Variants in ACYP2 observed in about 807,000 individuals in gnomAD.
ACYP2 encodes acylphosphatase 2, also known as acylphosphatase-2.
ACYP2 carries 12 observed loss-of-function variants against 11.2 expected under a neutral mutation model. The ratio of observed to expected loss-of-function variants is 1.08; its 90% confidence interval spans 0.69 to 1.74. The LOEUF is 1.74. ACYP2 is among the 40% of genes most tolerant of loss of function. The pLI is 0.00. For missense variants in ACYP2, 134 were observed against 101.9 expected, an observed-to-expected ratio of 1.31 and a Z score of -1.35; for synonymous variants, 43 against 32.2, an observed-to-expected ratio of 1.33 and a Z score of -1.13.
At chr2:54,278,920 A>T (rs964159370) in intron 6 of ACYP2, among the ~76,000 whole-genome samples, 3 of 152,186 alleles carry the variant, frequency 2.0e-5, no homozygotes, top group Non-Finnish European at 2.9e-5. Flanking sequence ...GAAGAATGAC[A>T]TTTGTCCAGT....
At position 54,170,914 on chromosome 2, in the gene ACYP2, G is replaced by C. The variant is rs983732931; in HGVS notation, c.404+32166G>C. The stretch of plus-strand genomic sequence containing the variant: ...TGCCTGACACAATCACCTCCTCACT[G>C]CCCCTGTGAGGTGCAGCGCCATCCA... On this transcript the variant is annotated intron_variant, in intron 6 of 6. Transcript: ENST00000607452. Among the ~76,000 whole-genome samples the C allele has an allele frequency of 2.6e-5, 4 of 152,112 alleles. No homozygotes were observed. In the East Asian group the frequency reaches 7.7e-4, roughly 29 times the overall value.
chr2:54,215,246 T>C (rs529976531), intron 6 of ACYP2, among the ~76,000 whole-genome samples: 4 of 152,344 alleles, frequency 2.6e-5, no homozygotes, highest in African/African-American at 9.6e-5. Context: ...TATTTCTTTT[T>C]CTTGCCTAAT....
At position 54,138,861 on chromosome 2, in the gene ACYP2, C is replaced by T. The variant is rs189649885; in HGVS notation, c.404+113C>T. On this transcript the variant is annotated intron_variant, in intron 6 of 6. Transcript: ENST00000607452. ...AGGTTGGAGTGCAGTGGCACAATCTCGGCTCACTACAACCTCTGCCTTCCA... is the reference window on the plus strand; with the variant it reads ...AGGTTGGAGTGCAGTGGCACAATCTTGGCTCACTACAACCTCTGCCTTCCA... The T allele has an allele frequency of 8.9e-4, 697 of 784,258 alleles. 2 individuals carry two copies. In the African/African-American group the frequency reaches 9.2e-3, roughly 10 times the overall value. 48.6% of individuals were successfully genotyped at this position (784,258 alleles called of 1,614,324 possible). A position where few individuals can be genotyped will look rare whatever the true frequency, so the allele number is the denominator to read the frequency against.
intron 4 of ACYP2, among the ~76,000 whole-genome samples, chr2:54,092,393 C>A (rs1190334215): frequency 6.6e-6 from 1 of 152,158 alleles, no homozygotes; most frequent in Admixed American, 6.5e-5. Context: ...AGGAGCAGCT[C>A]TTCTTTCTCT....
intron 6 of ACYP2, chr2:54,255,905 C>G: frequency 6.2e-7 from 1 of 1,614,084 alleles, no homozygotes; most frequent in Non-Finnish European, 8.5e-7. Flanking sequence ...GCTTTGATGG[C>G]TCCATGACTG....
chr2:54,234,641 C>T (rs975707779), intron 6 of ACYP2, among the ~76,000 whole-genome samples: 3 of 152,150 alleles, frequency 2.0e-5, no homozygotes, highest in African/African-American at 2.4e-5. Flanking sequence ...GTTATTTTTT[C>T]GGTTAATCAT....
chr2:54,251,598 T>C (rs968196611), intron 6 of ACYP2, among the ~76,000 whole-genome samples: 3 of 152,074 alleles, frequency 2.0e-5, no homozygotes, highest in African/African-American at 4.8e-5. Flanking sequence ...TAAAAGTTTA[T>C]TGGGAGACAA....
At chr2:54,267,745 G>A (rs144518948) in intron 6 of ACYP2, among the ~76,000 whole-genome samples, 11 of 152,282 alleles carry the variant, frequency 7.2e-5, no homozygotes, top group Non-Finnish European at 1.2e-4. Context: ...TAAAATGATT[G>A]TTGGCAAAAG....
intron 6 of ACYP2, chr2:54,255,510 G>A (rs758715704): frequency 1.9e-6 from 3 of 1,613,888 alleles, no homozygotes; most frequent in Non-Finnish European, 1.7e-6. Flanking sequence ...CTGCATTCAC[G>A]GAGTCCAGTT....
chr2:54,049,397 T>C (rs888599180), intron 2 of ACYP2, among the ~76,000 whole-genome samples: 1 of 152,218 alleles, frequency 6.6e-6, no homozygotes, highest in African/African-American at 2.4e-5. Context: ...CGTGGTTTTA[T>C]GCTTTCTCTA....
chr2:54,273,253 A>C (rs1476412586), intron 6 of ACYP2, among the ~76,000 whole-genome samples: 1 of 152,222 alleles, frequency 6.6e-6, no homozygotes, highest in Non-Finnish European at 1.5e-5. Context: ...ACTAAGTCTT[A>C]TGTTCTCGTC....
At chr2:54,273,263 C>A (rs987072269) in intron 6 of ACYP2, among the ~76,000 whole-genome samples, 5 of 152,146 alleles carry the variant, frequency 3.3e-5, no homozygotes, top group Non-Finnish European at 7.4e-5. Flanking sequence ...ATGTTCTCGT[C>A]TGTAATTTAA....
At chr2:54,148,807 A>G (rs1308054307) in intron 6 of ACYP2, among the ~76,000 whole-genome samples, 1 of 152,240 alleles carries the variant, frequency 6.6e-6, no homozygotes, top group Non-Finnish European at 1.5e-5. Flanking sequence ...CTAGTGCAAT[A>G]TATTAAGGTA....
intron 2 of ACYP2, among the ~76,000 whole-genome samples, chr2:54,016,439 A>T (rs953794051): frequency 8.8e-5 from 11 of 124,758 alleles, no homozygotes; most frequent in African/African-American, 4.0e-4. Flanking sequence ...AAGGCCAAAC[A>T]GGGAGAAACT....
chr2:54,013,255 ATGTGTGTGTGTGTGTGTGTGTGTG>A lies in ACYP2; in HGVS notation c.63-37665_63-37642del, dbSNP rs60289014. On this transcript the variant is annotated intron_variant, in intron 2 of 6. Transcript: ENST00000607452. Reference sequence around the variant, plus strand: ...AATATAACATTTACCACCATCTAATATGTGTGTGTGTGTGTGTGTGTGTGTGTGTGTGTGTGTGTGTGTGTGTGT... The same window carrying A: ...AATATAACATTTACCACCATCTAATATGTGTGTGTGTGTGTGTGTGTGTGT... Among the ~76,000 whole-genome samples, 727 of 117,606 alleles carry A rather than the reference ATGTGTGTGTGTGTGTGTGTGTGTG, an allele frequency of 6.2e-3. 11 individuals are homozygous for A. The highest frequency in any genetic ancestry group is 0.019 in the African/African-American group (601 of 31,624). 77.2% of individuals were successfully genotyped at this position (117,606 alleles called of 152,430 possible).
At chr2:54,008,872 G>T (rs187873518) in intron 2 of ACYP2, among the ~76,000 whole-genome samples, 2 of 152,284 alleles carry the variant, frequency 1.3e-5, no homozygotes, top group East Asian at 3.9e-4. Context: ...TTTCAGGCAG[G>T]CTGGGCATGG....
At chr2:54,224,937 A>C (rs541866448) in intron 6 of ACYP2, among the ~76,000 whole-genome samples, 7 of 152,224 alleles carry the variant, frequency 4.6e-5, no homozygotes, top group Non-Finnish European at 1.0e-4. Flanking sequence ...GCAGGATGGA[A>C]GAAAGGAAAG....
chr2:54,186,244 C>A (rs991444894), intron 6 of ACYP2, among the ~76,000 whole-genome samples: 19 of 151,858 alleles, frequency 1.3e-4, no homozygotes, highest in African/African-American at 4.6e-4. Flanking sequence ...TGAAATTCAC[C>A]TCAACTTTTA....
chr2:54,090,626 G>A (rs1284354469), intron 4 of ACYP2, among the ~76,000 whole-genome samples: 3 of 152,182 alleles, frequency 2.0e-5, no homozygotes, highest in African/African-American at 7.2e-5. Context: ...GTGAGACTCC[G>A]TCTCAAAACA....
Sources: gnomAD v4.1 joint callset for allele counts (sites outside exome capture counted in the v4.1 genomes callset) on GRCh38, gnomAD v4.1.1 for gene constraint, MANE v1.5 for transcripts, NCBI Gene and HGNC (gene_info 2026-07-23, HGNC 2026-07-21) for gene names.